Variants in ATP8B4 observed in about 807,000 individuals in gnomAD.
ATP8B4 encodes probable phospholipid-transporting ATPase IM.
A neutral mutation model predicts 145.6 loss-of-function variants in ATP8B4; 133 were observed. That is an observed-to-expected ratio of 0.91 (90% CI 0.79 to 1.05). ATP8B4 has a LOEUF of 1.05. Among genes scored for constraint, ATP8B4 ranks in the 50% least tolerant of loss-of-function variants. The pLI is 0.00. For synonymous variants in ATP8B4, 507 were observed against 492.9 expected (o/e 1.03, Z -0.38); for missense variants, 1,458 against 1,425.2 (o/e 1.02, Z -0.37).
chr15:50,118,705 T>G (rs1401391659), intron 1 of ATP8B4, among the ~76,000 whole-genome samples: 1 of 152,180 alleles, frequency 6.6e-6, no homozygotes, highest in Non-Finnish European at 1.5e-5. Context: ...AAACTGTTCA[T>G]GTCTAAAGCA....
chr15:50,086,058 T>C (rs8027990), intron 2 of ATP8B4, among the ~76,000 whole-genome samples: 1 of 110,082 alleles, frequency 9.1e-6, no homozygotes, highest in African/African-American at 3.9e-5. Context: ...TAGATCTATA[T>C]ATATTATATA....
At chr15:50,136,720 T>C (rs937299743) in intron 1 of ATP8B4, among the ~76,000 whole-genome samples, 1 of 152,186 alleles carries the variant, frequency 6.6e-6, no homozygotes, top group African/African-American at 2.4e-5. Context: ...TGCTTGATGG[T>C]GAGCGTGGGG....
intron 7 of ATP8B4, among the ~76,000 whole-genome samples, chr15:50,002,438 T>A (rs932774947): frequency 8.5e-5 from 13 of 152,116 alleles, no homozygotes; most frequent in Admixed American, 8.5e-4. Context: ...TATCACAACA[T>A]AAGCAAGGAA....
intron 13 of ATP8B4, among the ~76,000 whole-genome samples, chr15:49,962,858 T>G (rs2044200265): frequency 6.6e-6 from 1 of 152,148 alleles, no homozygotes; most frequent in African/African-American, 2.4e-5. Flanking sequence ...TTCCCTATTG[T>G]GAGTCATTAA....
At chr15:50,136,522 G>T (rs1186402280) in intron 1 of ATP8B4, among the ~76,000 whole-genome samples, 1 of 152,224 alleles carries the variant, frequency 6.6e-6, no homozygotes, top group Non-Finnish European at 1.5e-5. Flanking sequence ...ATTTTTCCAT[G>T]ATCAAGATAT....
Position 50,062,965 on chromosome 15 carries a change from G to T in ATP8B4, c.87+11162C>A, listed in dbSNP as rs2053130834. Reference sequence around the variant, plus strand: ...GAAATATCACACATGGTACTAAGTGGTTTGCAAGAATCATAGGAATATGAC... The same window carrying T: ...GAAATATCACACATGGTACTAAGTGTTTTGCAAGAATCATAGGAATATGAC... On this transcript the variant is annotated intron_variant, in intron 3 of 27. Coordinates refer to ENST00000284509, the MANE Select transcript of ATP8B4 (RefSeq NM_024837.4). Among the ~76,000 whole-genome samples the T allele has an allele frequency of 2.0e-5, 3 of 151,996 alleles. No individual in the cohort carries two copies. In the South Asian group the frequency reaches 6.2e-4, roughly 32 times the overall value.
chr15:49,897,494 A>G lies in ATP8B4; in HGVS notation c.2495T>C (p.Ile832Thr). Residue 832 changes from isoleucine (I) to threonine (T), a missense_variant, in exon 23 of 28, where the codon ATC becomes ACC. By Grantham distance (89) the Ile-to-Thr change is moderately conservative. Transcript: ENST00000284509. Reference protein sequence around the residue: ...MIKSAHIGVGISGQEGLQAVL... With the variant: ...MIKSAHIGVGTSGQEGLQAVL... ...TGCTTGCAATCCTTCCTGGCCGCTG[A>G]TGCCAACACCAATGTGAGCACCTAC... is the stretch of plus-strand genomic sequence containing the variant. The G allele has an allele frequency of 1.9e-6, 3 of 1,568,640 alleles. No homozygotes were observed. The highest frequency in any genetic ancestry group is 2.6e-6 in the Non-Finnish European group (3 of 1,156,472).
intron 11 of ATP8B4, 148 bp from the exon 12 acceptor site, chr15:49,979,961 G>C (rs558799972): frequency 2.3e-5 from 12 of 524,562 alleles, no homozygotes; most frequent in Middle Eastern, 5.0e-4. Context: ...TATGAATTAC[G>C]TCAGGAACTC....
Position 50,158,456 on chromosome 15 carries a change from G to A in ATP8B4, c.-43+23805C>T, listed in dbSNP as rs1296391438. ...GGAGGTGGGGGGTCAGACCCCGCCC[G>A]GCCAGCCGCCCCGTCCGGGAGGGAG... is the stretch of plus-strand genomic sequence containing the variant. On this transcript the variant is annotated intron_variant, in intron 1 of 3. Coordinates refer to the ATP8B4 transcript ENST00000558829. Among the ~76,000 whole-genome samples, 43 of 150,856 alleles carry A rather than the reference G, an allele frequency of 2.9e-4. No individual in the cohort carries two copies. The Middle Eastern group carries it at 0.01, about 36-fold the overall frequency.
At chr15:50,050,762 T>C (rs897571595) in intron 3 of ATP8B4, among the ~76,000 whole-genome samples, 1 of 152,190 alleles carries the variant, frequency 6.6e-6, no homozygotes, top group African/African-American at 2.4e-5. Context: ...ATATTAAATA[T>C]GTTTTATTTA....
At position 49,987,556 on chromosome 15, in the gene ATP8B4, A is replaced by T; in HGVS notation, c.590-7T>A. 6.2e-7 allele frequency: 1 copy of T among 1,610,352 alleles called. No homozygotes were observed. ...ACCTCACAGACAACAATCCCTGGAA[A>T]ATAAAAAAACAAAACAAACCTCTTT... On this transcript the variant is annotated splice_region_variant and splice_polypyrimidine_tract_variant and intron_variant, in intron 9 of 27. Coordinates refer to ENST00000284509, the MANE Select transcript of ATP8B4 (RefSeq NM_024837.4).
chr15:50,095,628 A>C (rs1261141174), intron 2 of ATP8B4, among the ~76,000 whole-genome samples: 2 of 152,074 alleles, frequency 1.3e-5, no homozygotes, highest in Admixed American at 1.3e-4. Context: ...GTGGTGGCAC[A>C]GTTGTAGATG....
chr15:50,044,554 G>T, intron 5 of ATP8B4, 40 bp downstream of exon 5: 1 of 1,396,164 alleles, frequency 7.2e-7, no homozygotes, highest in Non-Finnish European at 9.9e-7. Flanking sequence ...AGCCACAACT[G>T]AAATTGAGAC....
intron 13 of ATP8B4, among the ~76,000 whole-genome samples, chr15:49,972,125 C>A (rs561156488): frequency 6.6e-6 from 1 of 151,872 alleles, no homozygotes; most frequent in African/African-American, 2.4e-5. Context: ...AGTGTTGGGA[C>A]GTGGGAGGCT....
chr15:49,961,791 G>A (rs1204354067), intron 14 of ATP8B4, among the ~76,000 whole-genome samples, 186 bp downstream of exon 14: 1 of 151,892 alleles, frequency 6.6e-6, no homozygotes, highest in Non-Finnish European at 1.5e-5. Flanking sequence ...AAAATAGAAG[G>A]AACTCTGTGG....
intron 1 of ATP8B4, 95 bp from the exon 2 acceptor site, chr15:50,107,103 T>C: frequency 1.4e-6 from 1 of 723,942 alleles, no homozygotes; most frequent in African/African-American, 1.9e-5. Context: ...ATCTAGGTAA[T>C]TAGGAAGTCA....
At chr15:50,001,389 A>C (rs759861269) in intron 8 of ATP8B4, among the ~76,000 whole-genome samples, 1 of 152,206 alleles carries the variant, frequency 6.6e-6, no homozygotes, top group Non-Finnish European at 1.5e-5. Flanking sequence ...GAATAGCTCA[A>C]TATGACAATA....
intron 23 of ATP8B4, among the ~76,000 whole-genome samples, chr15:49,894,112 C>T (rs1481729593): frequency 6.6e-6 from 1 of 152,180 alleles, no homozygotes; most frequent in Non-Finnish European, 1.5e-5. Flanking sequence ...CTATCTACTT[C>T]TCTGACAAGT....
At chr15:50,126,883 T>C (rs1376566222) in intron 1 of ATP8B4, among the ~76,000 whole-genome samples, 2 of 151,566 alleles carry the variant, frequency 1.3e-5, no homozygotes, top group African/African-American at 2.4e-5. Flanking sequence ...CGCCACCAAA[T>C]GGAAAACACC....
Sources: allele counts gnomAD v4.1 joint callset (sites outside exome capture counted in the v4.1 genomes callset), GRCh38; gene constraint gnomAD v4.1.1; transcripts MANE v1.5; gene names NCBI Gene and HGNC (gene_info 2026-07-23, HGNC 2026-07-21).